Variants in COLEC10 observed in about 807,000 individuals in gnomAD.
The protein encoded by COLEC10 is collectin subfamily member 10.
COLEC10 carries 22 observed loss-of-function variants against 28.4 expected under a neutral mutation model. That is an observed-to-expected ratio of 0.78 (90% CI 0.55 to 1.11). The LOEUF (loss-of-function observed/expected upper bound fraction) is 1.11. Among genes scored for constraint, COLEC10 ranks in the 50% least tolerant of loss-of-function variants. COLEC10 has a pLI of 0.00. For missense variants in COLEC10, 361 were observed against 344.1 expected (o/e 1.05, Z -0.39); for synonymous variants, 125 against 116.1 (o/e 1.08, Z -0.49).
intron 2 of COLEC10, among the ~76,000 whole-genome samples, chr8:119,026,006 C>T (rs941044062): frequency 1.8e-4 from 27 of 152,162 alleles, no homozygotes; most frequent in Non-Finnish European, 2.9e-4. Context: ...TCTATTTTAT[C>T]TTTTCTCAAT....
chr8:118,963,412 G>T, the COLEC10 span, among the ~76,000 whole-genome samples: 3,677 of 152,224 alleles, frequency 0.024, 58 homozygotes, highest in Middle Eastern at 0.071. Context: ...CCAGTCACTT[G>T]TCTGATATTA....
chr8:119,105,717 T>C (rs1157467300), intron 5 of COLEC10, 83 bp from the exon 6 acceptor site: 2 of 1,211,208 alleles, frequency 1.7e-6, no homozygotes, highest in East Asian at 2.5e-5. Context: ...AATAAATAAA[T>C]GTAAATCTGG....
chr8:118,970,301 G>T, the COLEC10 span, among the ~76,000 whole-genome samples: 8 of 151,990 alleles, frequency 5.3e-5, no homozygotes, highest in Non-Finnish European at 1.0e-4. Flanking sequence ...TATGGACACA[G>T]GTCTGTGGGG....
intron 2 of COLEC10, among the ~76,000 whole-genome samples, chr8:119,047,696 C>T (rs1202930770): frequency 6.6e-6 from 1 of 151,824 alleles, no homozygotes; most frequent in East Asian, 1.9e-4. Flanking sequence ...AAACATAGCT[C>T]TCAGTAATAA....
chr8:118,953,099 G>A, the COLEC10 span, among the ~76,000 whole-genome samples: 1 of 152,172 alleles, frequency 6.6e-6, no homozygotes, highest in African/African-American at 2.4e-5. Flanking sequence ...CAGAGCATCT[G>A]CCCCTTCCAA....
At chr8:119,060,362 A>G (rs567729701) in intron 2 of COLEC10, among the ~76,000 whole-genome samples, 2 of 152,258 alleles carry the variant, frequency 1.3e-5, no homozygotes, top group East Asian at 3.9e-4. Context: ...AGAAGATACC[A>G]TATACTATGT....
chr8:119,028,912 T>C (rs1478161614), intron 2 of COLEC10, among the ~76,000 whole-genome samples: 1 of 152,218 alleles, frequency 6.6e-6, no homozygotes, highest in Admixed American at 6.5e-5. Flanking sequence ...CAATTATGTG[T>C]TGAGCATCTA....
chr8:119,104,025 G>T (rs1455857627), intron 5 of COLEC10, 130 bp downstream of exon 5: 21 of 653,638 alleles, frequency 3.2e-5, no homozygotes, highest in Non-Finnish European at 5.3e-5. Context: ...CAGTTTAAGG[G>T]TCTCCCAAAT....
chr8:119,028,834 C>T lies in COLEC10; in HGVS notation n.235+19281C>T, dbSNP rs7009167. Among the ~76,000 whole-genome samples the T allele has an allele frequency of 2.6e-5, 4 of 152,300 alleles. No homozygotes were observed. In the East Asian group the frequency reaches 7.7e-4, roughly 29 times the overall value. Reference sequence around the variant, plus strand: ...CCCTTGCTGACAAGAATAAAAATCACTATGGCTAGTTAACAGTGGTAACTA... The same window carrying T: ...CCCTTGCTGACAAGAATAAAAATCATTATGGCTAGTTAACAGTGGTAACTA... On this transcript the variant is annotated intron_variant and non_coding_transcript_variant, in intron 2 of 6. Transcript: ENST00000521788.
intron 3 of COLEC10, among the ~76,000 whole-genome samples, chr8:119,096,293 C>T (rs1302638398): frequency 6.6e-6 from 1 of 152,102 alleles, no homozygotes; most frequent in Non-Finnish European, 1.5e-5. Flanking sequence ...TGAAGTCTAT[C>T]AAAATAAAGA....
intron 1 of COLEC10, among the ~76,000 whole-genome samples, chr8:119,086,711 G>A (rs1262298375): frequency 6.6e-6 from 1 of 152,170 alleles, no homozygotes; most frequent in Non-Finnish European, 1.5e-5. Flanking sequence ...GGGGAAGAAG[G>A]AAGGAGAAAG....
chr8:119,013,251 T>G (rs368393405), intron 2 of COLEC10, among the ~76,000 whole-genome samples: 13 of 150,834 alleles, frequency 8.6e-5, no homozygotes, highest in African/African-American at 3.0e-4. Flanking sequence ...CGTTGTTTAG[T>G]CTCCATATAT....
At chr8:119,006,316 C>T (rs1193752280) in intron 1 of COLEC10, among the ~76,000 whole-genome samples, 1 of 152,056 alleles carries the variant, frequency 6.6e-6, no homozygotes, top group Non-Finnish European at 1.5e-5. Context: ...AGCTCTTAGG[C>T]TCAAACAACC....
At chr8:119,075,637 T>C (rs1815213378) in intron 1 of COLEC10, among the ~76,000 whole-genome samples, 1 of 152,174 alleles carries the variant, frequency 6.6e-6, no homozygotes, top group South Asian at 2.1e-4. Context: ...GTTAATCCAT[T>C]ATTCTATTTA....
intron 1 of COLEC10, among the ~76,000 whole-genome samples, chr8:119,002,190 A>G (rs1586991548): frequency 6.6e-6 from 1 of 152,146 alleles, no homozygotes; most frequent in Non-Finnish European, 1.5e-5. Context: ...TGTATACTTT[A>G]TGAGTTATAT....
intron 2 of COLEC10, among the ~76,000 whole-genome samples, chr8:119,028,176 G>A (rs1053574264): frequency 6.6e-6 from 1 of 152,018 alleles, no homozygotes; most frequent in Non-Finnish European, 1.5e-5. Context: ...TTGTTTCTTG[G>A]CATCTTAGAA....
At chr8:119,095,211 A>C (rs1283570051) in intron 3 of COLEC10, among the ~76,000 whole-genome samples, 1 of 152,216 alleles carries the variant, frequency 6.6e-6, no homozygotes, top group Non-Finnish European at 1.5e-5. Context: ...TAATAGTGTC[A>C]AAATAAGTAA....
At chr8:118,989,758 C>T in the COLEC10 span, among the ~76,000 whole-genome samples, 9 of 149,432 alleles carry the variant, frequency 6.0e-5, no homozygotes, top group Admixed American at 6.0e-4. Context: ...GCTGTATACA[C>T]AGATTAGCTC....
intron 2 of COLEC10, among the ~76,000 whole-genome samples, chr8:119,021,014 T>A (rs994862664): frequency 3.9e-5 from 6 of 152,162 alleles, no homozygotes; most frequent in African/African-American, 1.4e-4. Context: ...AGATGATATA[T>A]GGAATATAGA....
Sources: allele counts gnomAD v4.1 joint callset (sites outside exome capture counted in the v4.1 genomes callset), GRCh38; gene constraint gnomAD v4.1.1; transcripts MANE v1.5; gene names NCBI Gene and HGNC (gene_info 2026-07-23, HGNC 2026-07-21).